Variants in ABCB11 observed in about 807,000 individuals in gnomAD.
The protein encoded by ABCB11 is ATP binding cassette subfamily B member 11.
ABCB11 carries 95 observed loss-of-function variants against 148.0 expected under a neutral mutation model. The ratio of observed to expected loss-of-function variants is 0.64; its 90% CI spans 0.54 to 0.76. The LOEUF (loss-of-function observed/expected upper bound fraction) is 0.76, where lower values mean the gene tolerates loss of function less well. Ranked by LOEUF, ABCB11 falls within the 30% of genes least tolerant of loss-of-function variation. The probability of loss-of-function intolerance (pLI) is 0.00; values close to 1 mark genes in which losing one functional copy is unlikely to be tolerated. For missense variants in ABCB11, 1,523 were observed against 1,617.8 expected (o/e 0.94, Z 1.01); for synonymous variants, 591 against 555.4 (o/e 1.06, Z -0.90).
intron 3 of ABCB11, among the ~76,000 whole-genome samples, chr2:169,015,891 G>A (rs550845242): frequency 6.6e-6 from 1 of 152,072 alleles, no homozygotes; most frequent in African/African-American, 2.4e-5. Context: ...ATACCAAATA[G>A]ACACTCAATA....
chr2:169,009,932 AAT>A (rs1453229299), intron 5 of ABCB11, among the ~76,000 whole-genome samples: 1 of 152,094 alleles, frequency 6.6e-6, no homozygotes, highest in Non-Finnish European at 1.5e-5. Context: ...ATACAAACTG[AAT>A]ATATATTGCT....
At chr2:168,999,515 T>TAAGAA (rs992610942) in intron 5 of ABCB11, among the ~76,000 whole-genome samples, 1 of 152,126 alleles carries the variant, frequency 6.6e-6, no homozygotes, top group Non-Finnish European at 1.5e-5. Flanking sequence ...TAGCCCCAGC[T>TAAGAA]ACAACCAGTC....
chr2:169,004,066 G>A (rs764795455), intron 5 of ABCB11, among the ~76,000 whole-genome samples: 3 of 152,096 alleles, frequency 2.0e-5, no homozygotes. Context: ...TGGTGCTTTT[G>A]CCTCACAGCT....
chr2:168,974,294 C>A (rs1304534355), intron 12 of ABCB11, among the ~76,000 whole-genome samples: 1 of 151,992 alleles, frequency 6.6e-6, no homozygotes, highest in Non-Finnish European at 1.5e-5. Flanking sequence ...AGCCGTCCGT[C>A]ATGTGTATGG....
At chr2:169,018,914 C>T (rs541194965) in intron 1 of ABCB11, among the ~76,000 whole-genome samples, 19 of 151,976 alleles carry the variant, frequency 1.3e-4, no homozygotes, top group Non-Finnish European at 2.2e-4. Context: ...AGAGAAGTAC[C>T]GAAGAGTAAG....
intron 7 of ABCB11, 70 bp from the exon 8 acceptor site, chr2:168,993,952 G>T: frequency 7.6e-7 from 1 of 1,312,366 alleles, no homozygotes; most frequent in Non-Finnish European, 1.1e-6. Context: ...GAAAGTCTCA[G>T]TCTTTCCCTT....
At chr2:168,939,778 T>A (rs2544367) in intron 21 of ABCB11, among the ~76,000 whole-genome samples, 2 of 151,464 alleles carry the variant, frequency 1.3e-5, no homozygotes, top group African/African-American at 2.4e-5. Flanking sequence ...ACCCTGTATA[T>A]GCAGAGCAAT....
rs1236574430 is a variant in ABCB11, at chr2:168,994,579, G to A, written c.612-697C>T. Among the ~76,000 whole-genome samples the A allele has an allele frequency of 3.9e-5, 6 of 152,098 alleles. No individual in the cohort carries two copies. The South Asian group carries it at 6.2e-4, about 16-fold the overall frequency. ...ATATATGTAAAGCCTATAGGACAGCGCCTATCATATAATAAACAATATGTG... is the reference window on the plus strand; with the variant it reads ...ATATATGTAAAGCCTATAGGACAGCACCTATCATATAATAAACAATATGTG... On this transcript the variant is annotated intron_variant, in intron 7 of 27. Transcript: ENST00000650372.
intron 21 of ABCB11, 92 bp downstream of exon 21, chr2:168,944,513 T>G (rs1462385773): frequency 7.2e-6 from 10 of 1,383,000 alleles, no homozygotes; most frequent in Non-Finnish European, 2.9e-6. Context: ...TGGTCCCTAT[T>G]CCATAGAAAA....
intron 19 of ABCB11, among the ~76,000 whole-genome samples, chr2:168,952,234 G>C (rs1048494298): frequency 3.3e-5 from 5 of 151,540 alleles, no homozygotes; most frequent in Non-Finnish European, 5.9e-5. Context: ...AGGTGATATT[G>C]GCCTTGTAGA....
At chr2:168,936,774 T>G (rs1691850259) in intron 21 of ABCB11, among the ~76,000 whole-genome samples, 1 of 152,234 alleles carries the variant, frequency 6.6e-6, no homozygotes, top group Non-Finnish European at 1.5e-5. Context: ...AGAAGTAGAA[T>G]CATACAATAT....
chr2:168,978,658 A>C (rs906948357), intron 11 of ABCB11, among the ~76,000 whole-genome samples: 3 of 148,994 alleles, frequency 2.0e-5, no homozygotes, highest in Admixed American at 1.3e-4. Context: ...AGCTCAGGGC[A>C]TTTTTTTTTT....
chr2:168,994,487 T>C (rs905684935), intron 7 of ABCB11, among the ~76,000 whole-genome samples: 5 of 152,222 alleles, frequency 3.3e-5, no homozygotes, highest in African/African-American at 1.2e-4. Context: ...CTCAATTTTC[T>C]TGTCTGTAAA....
intron 11 of ABCB11, among the ~76,000 whole-genome samples, 194 bp downstream of exon 11, chr2:168,979,672 C>CAAAAAAA (rs55859131): frequency 2.0e-5 from 2 of 100,146 alleles, no homozygotes; most frequent in Non-Finnish European, 3.9e-5. Context: ...AACTCCATCT[C>CAAAAAAA]AAAAAAAAAA....
rs753083832 is a variant in ABCB11, at chr2:168,936,388, C to T, written c.2656G>A (p.Val886Ile). The change falls in exon 22 of 28, where the codon GTC (valine) becomes ATC (isoleucine). Residue 886 changes from valine (V) to isoleucine (I), a missense_variant. By Grantham distance (29) the Val-to-Ile change is conservative. Transcript: ENST00000650372. Reference sequence around the variant, plus strand: ...AAGGCAATGATCATGGCCACAGTGACGTTAGTGAAGGAATTGACTATCATC... The same window carrying T: ...AAGGCAATGATCATGGCCACAGTGATGTTAGTGAAGGAATTGACTATCATC... The part of the protein sequence containing the change: ...IGMIVNSFTN[V>I]TVAMIIAFSF... 20 of 1,613,732 alleles carry T rather than the reference C, an allele frequency of 1.2e-5. No homozygotes were observed. In the South Asian group the frequency reaches 1.5e-4, roughly 12 times the overall value.
At chr2:169,029,327 T>C (rs1308939615) in intron 1 of ABCB11, among the ~76,000 whole-genome samples, 1 of 152,018 alleles carries the variant, frequency 6.6e-6, no homozygotes, top group Non-Finnish European at 1.5e-5. Context: ...CATTTAAAAA[T>C]GTAGGTAGGA....
chr2:168,923,488 G>C lies in ABCB11; in HGVS notation c.*134C>G. The C allele has an allele frequency of 1.2e-6, 1 of 806,330 alleles. No individual in the cohort carries two copies. Among genetic ancestry groups the C allele is most frequent in the East Asian group, 2.7e-5 (1 of 37,344 alleles). 49.9% of individuals were successfully genotyped at this position (806,330 alleles called of 1,614,324 possible). The stretch of plus-strand genomic sequence containing the variant: ...TGGATTCCGATGTAGGAAAATGACT[G>C]TAAAAGTAAAATATTAACATTCTTC... On this transcript the variant is annotated 3_prime_UTR_variant, in exon 28 of 28. Coordinates refer to ENST00000650372, the MANE Select transcript of ABCB11 (RefSeq NM_003742.4).
At chr2:168,997,400 A>G (rs1281923430) in intron 5 of ABCB11, among the ~76,000 whole-genome samples, 2 of 152,124 alleles carry the variant, frequency 1.3e-5, no homozygotes, top group East Asian at 3.9e-4. Flanking sequence ...AAATAGCAAG[A>G]AGAAAAATAG....
intron 18 of ABCB11, among the ~76,000 whole-genome samples, chr2:168,958,805 A>G (rs974702563): frequency 2.0e-5 from 3 of 151,694 alleles, no homozygotes; most frequent in African/African-American, 7.3e-5. Context: ...AATATTATAC[A>G]TGGACCTCCG....
Sources: allele counts gnomAD v4.1 joint callset (sites outside exome capture counted in the v4.1 genomes callset), GRCh38; gene constraint gnomAD v4.1.1; transcripts MANE v1.5; gene names NCBI Gene and HGNC (gene_info 2026-07-23, HGNC 2026-07-21).